Variants in ZNF503 observed in about 807,000 individuals in gnomAD.
ZNF503 encodes the protein NocA-like zinc finger 2.
Under a neutral mutation model 34.4 loss-of-function variants are expected in ZNF503, and 15 were observed. That is an observed-to-expected ratio of 0.44 (90% confidence interval 0.29 to 0.67). The LOEUF (loss-of-function observed/expected upper bound fraction) is 0.67. Among genes scored for constraint, ZNF503 ranks in the 30% least tolerant of loss-of-function variants. ZNF503 has a pLI of 0.13. For missense variants in ZNF503, 1,007 were observed against 926.8 expected (o/e 1.09, Z -1.12); for synonymous variants, 580 against 456.8 (o/e 1.27, Z -3.44).
the ZNF503 span, among the ~76,000 whole-genome samples, chr10:75,303,143 G>A: frequency 1.3e-5 from 2 of 152,228 alleles, no homozygotes; most frequent in African/African-American, 4.8e-5. Context: ...CATATTTTCA[G>A]TTCAAATTTC....
the ZNF503 span, among the ~76,000 whole-genome samples, chr10:75,332,750 T>C: frequency 1.4e-5 from 2 of 147,254 alleles, no homozygotes; most frequent in African/African-American, 5.1e-5. Flanking sequence ...CATTTAACCC[T>C]GAGTGGACAC....
chr10:75,323,859 G>A, the ZNF503 span, among the ~76,000 whole-genome samples: 815 of 151,732 alleles, frequency 5.4e-3, 4 homozygotes, highest in African/African-American at 0.019. Context: ...AAAATTAGCC[G>A]GGCATGGTGG....
chr10:75,369,106 C>A, the ZNF503 span, among the ~76,000 whole-genome samples: 1 of 152,062 alleles, frequency 6.6e-6, no homozygotes, highest in Non-Finnish European at 1.5e-5. Context: ...GGGGAAAAAG[C>A]AAGTTGCAAA....
At chr10:75,396,851 A>G (rs1287060694), downstream of ZNF503, among the ~76,000 whole-genome samples, 3 of 151,902 alleles carry the variant, frequency 2.0e-5, no homozygotes, top group Admixed American at 1.3e-4. This position sits in a 1 kb window ranked among gnomAD's most constrained non-coding sequence, Gnocchi z 4.4. Flanking sequence ...TCCCCCCAAA[A>G]GGGACTGAGA....
the ZNF503 span, among the ~76,000 whole-genome samples, chr10:75,311,021 C>T: frequency 6.6e-6 from 1 of 152,104 alleles, no homozygotes; most frequent in Non-Finnish European, 1.5e-5. Context: ...AGGGACAGAA[C>T]TAATAGGATA....
the ZNF503 span, among the ~76,000 whole-genome samples, chr10:75,345,137 G>C: frequency 6.6e-6 from 1 of 152,156 alleles, no homozygotes. Flanking sequence ...CATTGCTCTG[G>C]GAAAGGGATG....
rs998066673 is a variant in ZNF503 at position 75,400,311 on chromosome 10, C to T, written c.379G>A (p.Asp127Asn). The change falls in exon 2 of 2, where the codon GAC becomes AAC. Residue 127 changes from aspartate (D) to asparagine (N), a missense_variant. Asp to Asn is a conservative substitution (Grantham distance 23). Transcript: ENST00000372524. ...AQTCSQIGKP[D>N]PSPSSKLSSV... is the part of the protein sequence containing the mutation. ...GAGAGTTTGGAGGAGGGCGAGGGGT[C>T]GGGCTTCCCGATCTGCGAACATGTT... 1 of 1,612,814 alleles carries T rather than the reference C, an allele frequency of 6.2e-7. No homozygotes were observed. The highest frequency in any genetic ancestry group is 8.5e-7 in the Non-Finnish European group (1 of 1,179,500).
chr10:75,384,214 C>G, the ZNF503 span, among the ~76,000 whole-genome samples: 6 of 151,928 alleles, frequency 3.9e-5, no homozygotes, highest in Non-Finnish European at 8.8e-5. Flanking sequence ...TTCCAGCCCC[C>G]CTCTCTCCCT....
the ZNF503 span, among the ~76,000 whole-genome samples, chr10:75,320,452 G>A: frequency 6.6e-6 from 1 of 152,008 alleles, no homozygotes; most frequent in Non-Finnish European, 1.5e-5. Flanking sequence ...CTGCACTCCA[G>A]CACGGGCAAC....
chr10:75,372,858 T>G, the ZNF503 span, among the ~76,000 whole-genome samples: 1 of 152,068 alleles, frequency 6.6e-6, no homozygotes, highest in African/African-American at 2.4e-5. Context: ...CCCCTTAGAC[T>G]CTTGGGGCAC....
chr10:75,391,726 TTCTG>T, the ZNF503 span, among the ~76,000 whole-genome samples: 2 of 152,164 alleles, frequency 1.3e-5, no homozygotes, highest in Non-Finnish European at 2.9e-5. Flanking sequence ...TTTGTCCTCC[TTCTG>T]TCTTTTGTTT....
chr10:75,291,486 C>T, the ZNF503 span, among the ~76,000 whole-genome samples: 1 of 152,094 alleles, frequency 6.6e-6, no homozygotes, highest in Non-Finnish European at 1.5e-5. Context: ...GTGATTTATG[C>T]CTGTAGTCCC....
the ZNF503 span, among the ~76,000 whole-genome samples, chr10:75,386,586 C>T: frequency 6.6e-6 from 1 of 152,312 alleles, no homozygotes; most frequent in African/African-American, 2.4e-5. Flanking sequence ...GTTTCCAGCT[C>T]TCACTTTCTC....
At chr10:75,293,982 A>T in the ZNF503 span, among the ~76,000 whole-genome samples, 65 of 152,190 alleles carry the variant, frequency 4.3e-4, no homozygotes, top group Admixed American at 2.2e-3. Context: ...TGGGCCTGGC[A>T]GGGGTGGTCT....
the ZNF503 span, chr10:75,283,271 A>T: frequency 6.6e-6 from 1 of 152,270 alleles, no homozygotes; most frequent in Non-Finnish European, 1.5e-5. Flanking sequence ...AGAAAATCTT[A>T]CCAGGAGGTG....
the ZNF503 span, among the ~76,000 whole-genome samples, chr10:75,290,818 T>C: frequency 1.3e-5 from 2 of 152,204 alleles, no homozygotes; most frequent in Non-Finnish European, 2.9e-5. Context: ...CAACATCCAT[T>C]CAATTTAGAG....
At chr10:75,285,487 A>G in the ZNF503 span, among the ~76,000 whole-genome samples, 1 of 152,144 alleles carries the variant, frequency 6.6e-6, no homozygotes, top group Non-Finnish European at 1.5e-5. Context: ...TTGTGAACTC[A>G]TTGACTTCAA....
chr10:75,304,380 CT>C, the ZNF503 span, among the ~76,000 whole-genome samples: 3,629 of 152,268 alleles, frequency 0.024, 145 homozygotes, highest in African/African-American at 0.083. Context: ...ATTTAGTAAA[CT>C]TGGTTATTAG....
At chr10:75,323,328 T>A in the ZNF503 span, among the ~76,000 whole-genome samples, 1 of 152,216 alleles carries the variant, frequency 6.6e-6, no homozygotes, top group Admixed American at 6.5e-5. Flanking sequence ...TCTTAAAAAT[T>A]ATTTATTTTT....
Sources: allele counts gnomAD v4.1 joint callset (sites outside exome capture counted in the v4.1 genomes callset), GRCh38; gene constraint gnomAD v4.1.1; non-coding constraint Gnocchi (gnomAD v3.1); transcripts MANE v1.5; gene names NCBI Gene and HGNC (gene_info 2026-07-23, HGNC 2026-07-21).